The following FBXO4 variants were observed in gnomAD, a reference collection of about 807,000 sequenced individuals.
The protein encoded by FBXO4 is F-box protein 4.
A neutral mutation model predicts 43.7 loss-of-function variants in FBXO4; 36 were observed. That is an observed-to-expected ratio of 0.82 (90% CI 0.63 to 1.09). The LOEUF is 1.09. Among genes scored for constraint, FBXO4 ranks in the 50% least tolerant of loss-of-function variants. The pLI is 0.00. For missense variants in FBXO4, 435 were observed against 474.1 expected (o/e 0.92, Z 0.77); for synonymous variants, 180 against 165.6 (o/e 1.09, Z -0.67).
chr5:42,020,742 G>A, the FBXO4 span, among the ~76,000 whole-genome samples: 1 of 152,188 alleles, frequency 6.6e-6, no homozygotes, highest in South Asian at 2.1e-4. Context: ...TCATGGGCCA[G>A]AACCGGCAGT....
the FBXO4 span, among the ~76,000 whole-genome samples, chr5:41,954,309 T>G: frequency 2.0e-5 from 3 of 152,206 alleles, no homozygotes. Context: ...GAGTAAAAAC[T>G]TTATGAGATG....
At chr5:41,999,482 T>TAC in the FBXO4 span, among the ~76,000 whole-genome samples, 1 of 10,088 alleles carries the variant, frequency 9.9e-5, no homozygotes, top group Non-Finnish European at 3.1e-4. Flanking sequence ...TATATACACA[T>TAC]ATATATATAT....
At chr5:42,013,777 C>T in the FBXO4 span, among the ~76,000 whole-genome samples, 1 of 152,184 alleles carries the variant, frequency 6.6e-6, no homozygotes, top group Admixed American at 6.5e-5. Context: ...TTTGGTGTCT[C>T]ATTCTTTGCC....
the FBXO4 span, among the ~76,000 whole-genome samples, chr5:41,978,098 C>T: frequency 6.6e-6 from 1 of 152,106 alleles, no homozygotes. Context: ...ACTATCATGG[C>T]CTAAGTTGAT....
chr5:41,994,417 T>A, the FBXO4 span, among the ~76,000 whole-genome samples: 1 of 152,234 alleles, frequency 6.6e-6, no homozygotes, highest in African/African-American at 2.4e-5. Context: ...TATTGATGAC[T>A]ACCTTCTTCT....
the FBXO4 span, among the ~76,000 whole-genome samples, chr5:41,995,677 G>A: frequency 5.2e-3 from 794 of 152,254 alleles, 9 homozygotes; most frequent in African/African-American, 0.018. Flanking sequence ...ACCCATTGAT[G>A]AGTACTCACA....
chr5:41,936,580 G>A (rs1209267593), intron 5 of FBXO4, among the ~76,000 whole-genome samples: 1 of 152,006 alleles, frequency 6.6e-6, no homozygotes, highest in Admixed American at 6.6e-5. Flanking sequence ...TGGAAAAGGT[G>A]GACAATATGT....
chr5:41,976,761 G>A, the FBXO4 span, among the ~76,000 whole-genome samples: 2 of 152,184 alleles, frequency 1.3e-5, no homozygotes, highest in East Asian at 1.9e-4. Context: ...ACATTCTGGA[G>A]TCTAAAGGGC....
At chr5:41,948,744 A>AT in the FBXO4 span, among the ~76,000 whole-genome samples, 70 of 152,190 alleles carry the variant, frequency 4.6e-4, no homozygotes, top group South Asian at 2.1e-4. Flanking sequence ...AGTAGATACA[A>AT]TTTTTTTCTG....
chr5:42,028,193 G>C, the FBXO4 span, among the ~76,000 whole-genome samples: 2,426 of 151,860 alleles, frequency 0.016, 120 homozygotes, highest in East Asian at 0.1. Context: ...CTTTATACAT[G>C]TTGGTGCTCA....
At chr5:42,035,818 A>G in the FBXO4 span, among the ~76,000 whole-genome samples, 10 of 152,134 alleles carry the variant, frequency 6.6e-5, no homozygotes, top group Non-Finnish European at 1.2e-4. Context: ...ACAGGCTATT[A>G]AAGAGAGAAG....
chr5:41,927,104 G>A lies in FBXO4; in HGVS notation c.281G>A (p.Arg94Lys). 6.2e-7 allele frequency: 1 copy of A among 1,613,852 alleles called. No homozygotes were observed. The highest frequency in any genetic ancestry group is 8.5e-7 in the Non-Finnish European group (1 of 1,179,876). The change falls in exon 2 of 7, where the codon AGA (arginine) becomes AAA (lysine). Residue 94 changes from arginine (R) to lysine (K), a missense_variant. By Grantham distance (26) the Arg-to-Lys change is conservative (BLOSUM62 2). Transcript: ENST00000281623. ...AATCATTATTGGAATGAAACTGTAAGAGATCCAATTCTGTGGAGATACTTT... is the reference window on the plus strand; with the variant it reads ...AATCATTATTGGAATGAAACTGTAAAAGATCCAATTCTGTGGAGATACTTT... ...STNHYWNETV[R>K]DPILWRYFLL...
At chr5:41,948,677 A>G in the FBXO4 span, among the ~76,000 whole-genome samples, 1 of 152,224 alleles carries the variant, frequency 6.6e-6, no homozygotes, top group Non-Finnish European at 1.5e-5. Flanking sequence ...AAAGAAATTA[A>G]GATAGTCTTT....
At chr5:41,974,198 C>T in the FBXO4 span, among the ~76,000 whole-genome samples, 3 of 152,024 alleles carry the variant, frequency 2.0e-5, no homozygotes, top group Non-Finnish European at 2.9e-5. Flanking sequence ...GGGGTGTGTA[C>T]GTTTGTGTAA....
chr5:42,004,744 C>G, the FBXO4 span, among the ~76,000 whole-genome samples: 1 of 152,002 alleles, frequency 6.6e-6, no homozygotes, highest in Non-Finnish European at 1.5e-5. Context: ...ATAAAAAAAA[C>G]AAACCACAAG....
chr5:41,995,971 C>T, the FBXO4 span, among the ~76,000 whole-genome samples: 12 of 152,350 alleles, frequency 7.9e-5, no homozygotes, highest in East Asian at 2.3e-3. Context: ...GGCTGTAGTG[C>T]TGCAGCTGTT....
the FBXO4 span, among the ~76,000 whole-genome samples, chr5:42,035,973 C>T: frequency 1.1e-4 from 16 of 151,962 alleles, no homozygotes; most frequent in African/African-American, 3.6e-4. Context: ...GCAGTTCTAC[C>T]CACTATTAAT....
At chr5:42,013,956 C>G in the FBXO4 span, among the ~76,000 whole-genome samples, 1 of 152,108 alleles carries the variant, frequency 6.6e-6, no homozygotes, top group Non-Finnish European at 1.5e-5. Context: ...ATCATATGCT[C>G]CATGAAGATA....
the FBXO4 span, among the ~76,000 whole-genome samples, chr5:42,017,858 T>C: frequency 6.6e-6 from 1 of 152,038 alleles, no homozygotes; most frequent in African/African-American, 2.4e-5. Context: ...TGGGCACCTA[T>C]ATTGATTCCA....
Sources: allele counts gnomAD v4.1 joint callset (sites outside exome capture counted in the v4.1 genomes callset), GRCh38; gene constraint gnomAD v4.1.1; transcripts MANE v1.5; gene names NCBI Gene and HGNC (gene_info 2026-07-23, HGNC 2026-07-21).